The following CMC1 variants were observed in gnomAD, a reference collection of about 807,000 sequenced individuals.
CMC1 encodes the protein C-X9-C motif containing 1.
A neutral mutation model predicts 14.1 loss-of-function variants in CMC1; 14 were observed. The observed-to-expected ratio is 0.99, with a 90% confidence interval of 0.66 to 1.55. The LOEUF is 1.55. CMC1 is among the 40% of genes most tolerant of loss of function. The pLI is 0.00. For synonymous variants in CMC1, 50 were observed against 38.4 expected (o/e 1.30, Z -1.12); for missense variants, 127 against 123.8 (o/e 1.03, Z -0.12).
chr3:28,307,916 T>G (rs1026120187), intron 2 of CMC1, among the ~76,000 whole-genome samples: 2 of 152,188 alleles, frequency 1.3e-5, no homozygotes, highest in African/African-American at 2.4e-5. Context: ...TTTCCTTGCC[T>G]TTTTCAGCAA....
intron 1 of CMC1, among the ~76,000 whole-genome samples, chr3:28,247,822 C>T (rs1482119389): frequency 6.6e-6 from 1 of 151,984 alleles, no homozygotes; most frequent in African/African-American, 2.4e-5. Flanking sequence ...ATAACACTGG[C>T]TTAAGATATA....
intron 2 of CMC1, among the ~76,000 whole-genome samples, chr3:28,293,308 T>C (rs5003243): frequency 0.22 from 30,991 of 143,962 alleles, 3,927 homozygotes; most frequent in Middle Eastern, 0.3. Context: ...ATAGAGGGAC[T>C]TTTTTTTTTT....
chr3:28,273,685 A>T (rs1431220046), intron 2 of CMC1, among the ~76,000 whole-genome samples: 2 of 152,164 alleles, frequency 1.3e-5, no homozygotes, highest in Non-Finnish European at 1.5e-5. Flanking sequence ...GATCTGTCTG[A>T]TATTAACATT....
At chr3:28,258,060 TTATATA>T (rs56153777) in intron 1 of CMC1, among the ~76,000 whole-genome samples, 39 of 135,414 alleles carry the variant, frequency 2.9e-4, no homozygotes, top group South Asian at 2.1e-3. Flanking sequence ...TTGAGCACCT[TTATATA>T]TATATATATA....
chr3:28,307,712 T>C (rs1702399764), intron 2 of CMC1, among the ~76,000 whole-genome samples: 1 of 152,266 alleles, frequency 6.6e-6, no homozygotes, highest in East Asian at 1.9e-4. Flanking sequence ...AGCCAGTTTT[T>C]CCCCCCACTG....
In CMC1 at chr3:28,253,516, A is replaced by G. The variant is rs1436346869; in HGVS notation, c.20-9775A>G. Among the ~76,000 whole-genome samples, 2 of 152,066 alleles carry G rather than the reference A, an allele frequency of 1.3e-5. 1 individual carries two copies. Among genetic ancestry groups the G allele is most frequent in the Admixed American group, 1.3e-4 (2 of 15,264 alleles). On this transcript the variant is annotated intron_variant, in intron 1 of 3. Transcript: ENST00000466830. Reference sequence around the variant, plus strand: ...GGATCACTTAAACCTGGGAGGTAGAAGCTGCAGTGAGCTGTGATCACGCCA... The same window carrying G: ...GGATCACTTAAACCTGGGAGGTAGAGGCTGCAGTGAGCTGTGATCACGCCA...
chr3:28,281,774 G>A (rs1288378293), intron 2 of CMC1, among the ~76,000 whole-genome samples: 1 of 152,132 alleles, frequency 6.6e-6, no homozygotes, highest in Non-Finnish European at 1.5e-5. Flanking sequence ...AAGTATGTGG[G>A]TTATCAACTG....
chr3:28,256,472 T>C (rs1358315971), intron 1 of CMC1, among the ~76,000 whole-genome samples: 1 of 152,158 alleles, frequency 6.6e-6, no homozygotes, highest in African/African-American at 2.4e-5. Flanking sequence ...GCAAAATACC[T>C]TCACAGCATC....
chr3:28,276,424 T>G (rs1308117790), intron 2 of CMC1, among the ~76,000 whole-genome samples: 2 of 152,182 alleles, frequency 1.3e-5, no homozygotes, highest in Non-Finnish European at 2.9e-5. Flanking sequence ...AAAATATTGT[T>G]AAAATGAATA....
chr3:28,281,995 A>C (rs981699680), intron 2 of CMC1, among the ~76,000 whole-genome samples: 2 of 152,144 alleles, frequency 1.3e-5, no homozygotes, highest in African/African-American at 4.8e-5. Flanking sequence ...GGAGTGTCTT[A>C]ACAGTCTGAA....
At chr3:28,293,090 T>A (rs1443141616) in intron 2 of CMC1, 3 of 152,180 alleles carry the variant, frequency 2.0e-5, no homozygotes, top group African/African-American at 7.2e-5. Context: ...TTCCTATACA[T>A]CTCTAAATAG....
chr3:28,243,483 G>GA (rs1474255755), intron 1 of CMC1, among the ~76,000 whole-genome samples: 3 of 152,240 alleles, frequency 2.0e-5, no homozygotes, highest in East Asian at 3.9e-4. Context: ...GGAAATTTGG[G>GA]AAAAAAGTCT....
chr3:28,316,259 A>G, intron 2 of CMC1, 74 bp from the exon 3 acceptor site: 3 of 741,846 alleles, frequency 4.0e-6, no homozygotes, highest in Non-Finnish European at 6.2e-6. Flanking sequence ...TTTTCTAAAA[A>G]GAAGAAAATT....
Position 28,259,854 on chromosome 3 carries a change from CATAT to C in CMC1, c.20-3436_20-3433del, listed in dbSNP as rs563533237. ...GTTTTCACCAGTTTTTACGTGTACTCATATGTGTGTGTGTATAATTCTGTGTAAT... is the reference window on the plus strand; with the variant it reads ...GTTTTCACCAGTTTTTACGTGTACTCGTGTGTGTGTATAATTCTGTGTAAT... On this transcript the variant is annotated intron_variant, in intron 1 of 3. Transcript: ENST00000466830. Among the ~76,000 whole-genome samples the C allele has an allele frequency of 4.5e-4, 68 of 151,506 alleles. 1 individual carries two copies. In the East Asian group the frequency reaches 8.9e-3, roughly 20 times the overall value.
intron 2 of CMC1, among the ~76,000 whole-genome samples, chr3:28,313,989 G>T (rs1321739039): frequency 6.6e-6 from 1 of 152,144 alleles, no homozygotes; most frequent in African/African-American, 2.4e-5. Flanking sequence ...GGGTGAACTG[G>T]TCTGGTATAG....
chr3:28,269,045 A>G (rs889733011), intron 2 of CMC1, among the ~76,000 whole-genome samples: 6 of 152,218 alleles, frequency 3.9e-5, no homozygotes, highest in African/African-American at 1.4e-4. Context: ...TATTGTTACA[A>G]ACATTCTATT....
intron 2 of CMC1, among the ~76,000 whole-genome samples, chr3:28,275,685 C>A (rs1461210134): frequency 3.9e-5 from 6 of 152,094 alleles, no homozygotes; most frequent in Admixed American, 3.9e-4. Flanking sequence ...CTCGTCTGGA[C>A]TGCCCCAGTT....
chr3:28,254,071 A>G (rs1699270701), intron 1 of CMC1, among the ~76,000 whole-genome samples: 1 of 152,216 alleles, frequency 6.6e-6, no homozygotes. Flanking sequence ...CTTCCAGGTG[A>G]TGATAGAATG....
At chr3:28,256,632 G>T (rs772983884) in intron 1 of CMC1, among the ~76,000 whole-genome samples, 15 of 152,242 alleles carry the variant, frequency 9.9e-5, no homozygotes, top group Non-Finnish European at 1.8e-4. Flanking sequence ...AATATAAAGG[G>T]AGAGGAAGGT....
Sources: allele counts gnomAD v4.1 joint callset (sites outside exome capture counted in the v4.1 genomes callset), GRCh38; gene constraint gnomAD v4.1.1; transcripts MANE v1.5; gene names NCBI Gene and HGNC (gene_info 2026-07-23, HGNC 2026-07-21).